The following MSRA variants were observed in gnomAD, a reference collection of about 807,000 sequenced individuals.
The protein encoded by MSRA is methionine sulfoxide reductase A, also known as mitochondrial peptide methionine sulfoxide reductase.
MSRA carries 54 observed loss-of-function variants against 31.3 expected under a neutral mutation model. The ratio of observed to expected loss-of-function variants is 1.73; its 90% CI spans 1.39 to 2.17. The LOEUF (loss-of-function observed/expected upper bound fraction) is 2.17. Ranked by LOEUF, MSRA falls within the 30% of genes most tolerant of loss-of-function variation. The pLI, the probability that MSRA is intolerant of heterozygous loss-of-function variation, is 0.00. For missense variants in MSRA, 507 were observed against 300.9 expected, an observed-to-expected ratio of 1.69 and a Z score of -5.07; for synonymous variants, 169 against 116.5, an observed-to-expected ratio of 1.45 and a Z score of -2.90.
chr8:10,151,694 C>T (rs570340820), intron 1 of MSRA, among the ~76,000 whole-genome samples: 24 of 152,126 alleles, frequency 1.6e-4, no homozygotes, highest in African/African-American at 4.8e-4. Context: ...GGAGAAAGGG[C>T]GTTGAGTGCT....
At chr8:10,301,256 A>T (rs1396916816) in intron 3 of MSRA, among the ~76,000 whole-genome samples, 1 of 152,148 alleles carries the variant, frequency 6.6e-6, no homozygotes, top group Non-Finnish European at 1.5e-5. Flanking sequence ...AAACCTGAAA[A>T]CCCACGTTTG....
chr8:10,151,419 G>A (rs919336852), intron 1 of MSRA, among the ~76,000 whole-genome samples: 3 of 152,054 alleles, frequency 2.0e-5, no homozygotes, highest in Non-Finnish European at 1.5e-5. Context: ...TGAGGTGGGC[G>A]GATCATGAGG....
intron 2 of MSRA, among the ~76,000 whole-genome samples, chr8:10,223,086 C>T (rs979625642): frequency 6.6e-6 from 1 of 152,150 alleles, no homozygotes; most frequent in Non-Finnish European, 1.5e-5. Context: ...TTGTGTTTGT[C>T]AATTAAAAAG....
chr8:10,073,066 G>A (rs1797821601), intron 1 of MSRA, among the ~76,000 whole-genome samples: 1 of 151,724 alleles, frequency 6.6e-6, no homozygotes. Context: ...TGTGCCTTTT[G>A]TTTTTCTTGC....
At chr8:10,405,164 A>T (rs1049092344) in intron 5 of MSRA, among the ~76,000 whole-genome samples, 1 of 152,214 alleles carries the variant, frequency 6.6e-6, no homozygotes, top group Non-Finnish European at 1.5e-5. Flanking sequence ...TCTATGCCAC[A>T]GTGACCATGT....
At chr8:10,138,860 TAGC>T (rs566252302) in intron 1 of MSRA, among the ~76,000 whole-genome samples, 5 of 152,016 alleles carry the variant, frequency 3.3e-5, no homozygotes, top group African/African-American at 1.2e-4. Flanking sequence ...CTTAAAATGA[TAGC>T]AGCAGCAGCA....
intron 1 of MSRA, among the ~76,000 whole-genome samples, chr8:10,120,103 A>T (rs574207547): frequency 5.9e-5 from 9 of 152,294 alleles, no homozygotes; most frequent in African/African-American, 2.2e-4. Context: ...CCATCAGTGT[A>T]TCCCATTGGC....
intron 5 of MSRA, among the ~76,000 whole-genome samples, 183 bp from the exon 6 acceptor site, chr8:10,427,965 A>G (rs1222240090): frequency 6.6e-6 from 1 of 152,254 alleles, no homozygotes; most frequent in Non-Finnish European, 1.5e-5. Context: ...ACTGAGGCAC[A>G]GCAAGGTAAG....
At chr8:10,322,839 C>G (rs924737521) in intron 5 of MSRA, among the ~76,000 whole-genome samples, 1 of 152,168 alleles carries the variant, frequency 6.6e-6, no homozygotes, top group Admixed American at 6.5e-5. Flanking sequence ...CGCCTCTAAT[C>G]CCAGCACTTT....
chr8:10,168,763 G>GCAGGAATCCTTC (rs1324844915), intron 1 of MSRA, among the ~76,000 whole-genome samples: 1 of 152,146 alleles, frequency 6.6e-6, no homozygotes, highest in Non-Finnish European at 1.5e-5. Flanking sequence ...TCCCATCCTT[G>GCAGGAATCCTTC]CAGGAATCCT....
At chr8:10,113,860 T>A (rs1477652836) in intron 1 of MSRA, among the ~76,000 whole-genome samples, 1 of 152,102 alleles carries the variant, frequency 6.6e-6, no homozygotes, top group Non-Finnish European at 1.5e-5. Flanking sequence ...AATTCAGTGG[T>A]TATTAGTATA....
At chr8:10,424,739 T>G (rs1374575305) in intron 5 of MSRA, among the ~76,000 whole-genome samples, 1 of 152,128 alleles carries the variant, frequency 6.6e-6, no homozygotes, top group Non-Finnish European at 1.5e-5. Flanking sequence ...AGAGGCCCCC[T>G]CCTGGGTTAG....
chr8:10,185,015 C>T (rs186167717), intron 1 of MSRA, among the ~76,000 whole-genome samples: 13 of 152,306 alleles, frequency 8.5e-5, no homozygotes, highest in Admixed American at 2.0e-4. Context: ...GGCTGAGACC[C>T]GGTTCTTAAC....
chr8:10,104,948 G>T (rs906563473), intron 1 of MSRA, among the ~76,000 whole-genome samples: 8 of 152,132 alleles, frequency 5.3e-5, no homozygotes, highest in African/African-American at 1.9e-4. Context: ...ACCAACAGTT[G>T]GTAGTACCAG....
chr8:10,267,740 G>T (rs148426332), intron 3 of MSRA, among the ~76,000 whole-genome samples: 1 of 152,130 alleles, frequency 6.6e-6, no homozygotes, highest in Admixed American at 6.5e-5. Flanking sequence ...CACCAATTTC[G>T]CTATCTGCCA....
intron 1 of MSRA, among the ~76,000 whole-genome samples, chr8:10,155,697 C>T (rs1050966493): frequency 1.3e-5 from 2 of 152,040 alleles, no homozygotes; most frequent in African/African-American, 4.8e-5. Flanking sequence ...ACTGGTCAAA[C>T]TTGGGATGGT....
chr8:10,054,420 C>A lies in MSRA; in HGVS notation c.-97C>A. The A allele has an allele frequency of 1.7e-6, 2 of 1,192,528 alleles. No homozygotes were observed. Among genetic ancestry groups the A allele is most frequent in the Non-Finnish European group, 2.2e-6 (2 of 928,448 alleles). The allele number at this position is 1,192,528 out of a possible 1,614,324, so 73.9% of individuals were successfully genotyped here. On this transcript the variant is annotated 5_prime_UTR_variant, in exon 1 of 6. Coordinates refer to ENST00000317173, the MANE Select transcript of MSRA (RefSeq NM_012331.5). ...GCCCGCCCGCGCCCCTGCCGCCCCC[C>A]GGTTCCGGCCGCGGACCCCACTCTC...
In MSRA at chr8:10,205,024, T is replaced by C. The variant is rs1282820627; in HGVS notation, c.143-2809T>C. Among the ~76,000 whole-genome samples, 3 of 152,066 alleles carry C rather than the reference T, an allele frequency of 2.0e-5. No homozygotes were observed. The East Asian group carries it at 5.8e-4, about 29-fold the overall frequency. ...GAGGGATCAGGGTGGCTGTGGTGGATGGATGAGGGATGCTAGTGTTCTGAC... is the reference window on the plus strand; with the variant it reads ...GAGGGATCAGGGTGGCTGTGGTGGACGGATGAGGGATGCTAGTGTTCTGAC... On this transcript the variant is annotated intron_variant, in intron 1 of 5. Coordinates refer to ENST00000317173, the MANE Select transcript of MSRA (RefSeq NM_012331.5).
chr8:10,404,586 G>A (rs1807682047), intron 5 of MSRA, among the ~76,000 whole-genome samples: 1 of 152,248 alleles, frequency 6.6e-6, no homozygotes, highest in Non-Finnish European at 1.5e-5. Context: ...GCTTCTGACA[G>A]GTGCGCGGGC....
Sources: allele counts gnomAD v4.1 joint callset (sites outside exome capture counted in the v4.1 genomes callset), GRCh38; gene constraint gnomAD v4.1.1; transcripts MANE v1.5; gene names NCBI Gene and HGNC (gene_info 2026-07-23, HGNC 2026-07-21).